Variants in CNTNAP2 observed in about 807,000 individuals in gnomAD.
The protein encoded by CNTNAP2 is contactin associated protein 2.
CNTNAP2 carries 98 observed loss-of-function variants against 155.2 expected under a neutral mutation model. The observed-to-expected ratio is 0.63, with a 90% CI of 0.54 to 0.75. The LOEUF (loss-of-function observed/expected upper bound fraction) is 0.75. CNTNAP2 is among the 30% of genes least tolerant of loss of function. The pLI is 0.00. For synonymous variants in CNTNAP2, 651 were observed against 631.2 expected (o/e 1.03, Z -0.47); for missense variants, 1,727 against 1,688.1 (o/e 1.02, Z -0.40).
chr7:146,491,005 TTTTA>T (rs1284161007), intron 1 of CNTNAP2, among the ~76,000 whole-genome samples: 2 of 152,156 alleles, frequency 1.3e-5, no homozygotes, highest in Non-Finnish European at 2.9e-5. Flanking sequence ...TAAATATGCT[TTTTA>T]TTTCTCTCAA....
At chr7:147,508,776 T>A (rs1288752288) in intron 11 of CNTNAP2, among the ~76,000 whole-genome samples, 2 of 152,146 alleles carry the variant, frequency 1.3e-5, no homozygotes, top group Admixed American at 6.5e-5. Context: ...CCCTGCACAC[T>A]CTCTCTTGCC....
At chr7:148,104,209 G>A (rs75389234) in intron 15 of CNTNAP2, among the ~76,000 whole-genome samples, 1,533 of 152,194 alleles carry the variant, frequency 0.01, 29 homozygotes, top group African/African-American at 0.035. Context: ...GGAAAATCAT[G>A]GTTCTATTAA....
At chr7:147,443,142 G>T (rs1362569221) in intron 10 of CNTNAP2, among the ~76,000 whole-genome samples, 1 of 152,124 alleles carries the variant, frequency 6.6e-6, no homozygotes, top group Non-Finnish European at 1.5e-5. Flanking sequence ...TTAGGGCCGG[G>T]CCTCAGGGCA....
chr7:147,406,164 G>A (rs1295636159), intron 10 of CNTNAP2, among the ~76,000 whole-genome samples: 1 of 151,648 alleles, frequency 6.6e-6, no homozygotes, highest in Admixed American at 6.6e-5. Context: ...TTTTTGAGGA[G>A]TCTTTGCATT....
chr7:146,527,542 T>C (rs1035375501), intron 1 of CNTNAP2, among the ~76,000 whole-genome samples: 2 of 152,052 alleles, frequency 1.3e-5, no homozygotes, highest in African/African-American at 4.8e-5. Flanking sequence ...AGGGTATATA[T>C]AGACCAAAAA....
At chr7:146,377,364 T>C (rs1217315477) in intron 1 of CNTNAP2, among the ~76,000 whole-genome samples, 2 of 152,166 alleles carry the variant, frequency 1.3e-5, no homozygotes, top group Non-Finnish European at 2.9e-5. Context: ...CCTTTTCTGT[T>C]TTCTGCCGTC....
chr7:148,103,501 A>G (rs1282069174), intron 15 of CNTNAP2, among the ~76,000 whole-genome samples: 2 of 152,226 alleles, frequency 1.3e-5, no homozygotes, highest in Non-Finnish European at 2.9e-5. Flanking sequence ...TTAATTATGT[A>G]ACACAAAGTT....
At chr7:147,525,190 A>T (rs1799296496) in intron 11 of CNTNAP2, among the ~76,000 whole-genome samples, 1 of 152,208 alleles carries the variant, frequency 6.6e-6, no homozygotes, top group Non-Finnish European at 1.5e-5. Context: ...TTAAGTTGAG[A>T]ATCAGAAACA....
chr7:146,417,485 A>C lies in CNTNAP2; in HGVS notation c.97+300512A>C, dbSNP rs141932001. Among the ~76,000 whole-genome samples the C allele has an allele frequency of 7.0e-3, 1,071 of 152,312 alleles. 13 individuals are homozygous for C. The highest frequency in any genetic ancestry group is 0.025 in the African/African-American group (1,022 of 41,582). On this transcript the variant is annotated intron_variant, in intron 1 of 23. Coordinates refer to ENST00000361727, the MANE Select transcript of CNTNAP2 (RefSeq NM_014141.6). The stretch of plus-strand genomic sequence containing the variant: ...TGTGATTAAATTGGAATTCTAAAGC[A>C]GACCCAAGTTAAACATGAAGACAAC...
intron 14 of CNTNAP2, among the ~76,000 whole-genome samples, chr7:147,928,948 T>A (rs1480604624): frequency 6.6e-6 from 1 of 151,514 alleles, no homozygotes; most frequent in East Asian, 1.9e-4. Flanking sequence ...CAAAATTAGC[T>A]GGGTGTGGTG....
Position 147,180,961 on chromosome 7 carries a change from A to G in CNTNAP2, c.1348+48452A>G, listed in dbSNP as rs115430270. 1.6e-3 allele frequency among the ~76,000 whole-genome samples: 246 copies of G among 152,362 alleles called. 1 individual carries two copies. Among genetic ancestry groups the G allele is most frequent in the Non-Finnish European group, 2.5e-3 (169 of 68,036 alleles). ...ATATATAGTAGCCAATTGCATTTCT[A>G]TAACAAACACCTAGAACACAAAATT... On this transcript the variant is annotated intron_variant, in intron 8 of 23. Transcript: ENST00000361727.
intron 1 of CNTNAP2, among the ~76,000 whole-genome samples, chr7:146,595,759 T>C (rs1031577552): frequency 1.4e-4 from 22 of 152,090 alleles, no homozygotes; most frequent in Non-Finnish European, 2.8e-4. Flanking sequence ...TGCTGCTTGA[T>C]GGTAGAGCAG....
chr7:146,851,604 C>A (rs551241900), intron 3 of CNTNAP2, among the ~76,000 whole-genome samples: 84 of 151,666 alleles, frequency 5.5e-4, no homozygotes, highest in African/African-American at 1.8e-3. Context: ...CTCCTTGGCT[C>A]GCAGGTGGTT....
At chr7:148,091,214 T>G (rs1803834088) in intron 15 of CNTNAP2, among the ~76,000 whole-genome samples, 1 of 152,160 alleles carries the variant, frequency 6.6e-6, no homozygotes, top group Non-Finnish European at 1.5e-5. Flanking sequence ...TGAGAGTGGA[T>G]TTTATGTTTC....
intron 1 of CNTNAP2, among the ~76,000 whole-genome samples, chr7:146,664,914 A>G (rs116073290): frequency 0.018 from 2,793 of 152,204 alleles, 89 homozygotes; most frequent in African/African-American, 0.064. Context: ...TTTGGGGAGC[A>G]TAAATTGGTT....
At chr7:147,802,496 G>T (rs1301296623) in intron 13 of CNTNAP2, among the ~76,000 whole-genome samples, 1 of 152,206 alleles carries the variant, frequency 6.6e-6, no homozygotes, top group Non-Finnish European at 1.5e-5. Context: ...ATTGAGCACT[G>T]AGTGAACCAG....
At chr7:147,541,443 C>G (rs867475228) in intron 11 of CNTNAP2, among the ~76,000 whole-genome samples, 13 of 152,286 alleles carry the variant, frequency 8.5e-5, no homozygotes, top group African/African-American at 2.6e-4. Context: ...AGGAAGAGCT[C>G]AAACAGCTGT....
At chr7:147,153,208 T>G (rs1479690243) in intron 8 of CNTNAP2, among the ~76,000 whole-genome samples, 3 of 152,216 alleles carry the variant, frequency 2.0e-5, no homozygotes, top group African/African-American at 7.2e-5. Context: ...TTCTCTATAG[T>G]AAGCCTACTG....
At chr7:146,926,271 T>C (rs183092995) in intron 3 of CNTNAP2, among the ~76,000 whole-genome samples, 89 of 151,790 alleles carry the variant, frequency 5.9e-4, no homozygotes, top group African/African-American at 2.0e-3. Context: ...GTGTGTGTGA[T>C]TCATTGACAA....
Sources: gnomAD v4.1 joint callset for allele counts (sites outside exome capture counted in the v4.1 genomes callset) on GRCh38, gnomAD v4.1.1 for gene constraint, MANE v1.5 for transcripts, NCBI Gene and HGNC (gene_info 2026-07-23, HGNC 2026-07-21) for gene names.